Variants in GPHN observed in about 807,000 individuals in gnomAD.
GPHN encodes gephyrin.
GPHN carries 17 observed loss-of-function variants against 95.5 expected under a neutral mutation model. The observed-to-expected ratio is 0.18, with a 90% CI of 0.12 to 0.27. GPHN has a LOEUF of 0.27. GPHN is among the 10% of genes least tolerant of loss of function. GPHN has a pLI of 1.00. For synonymous variants in GPHN, 320 were observed against 322.5 expected, an observed-to-expected ratio of 0.99 and a Z score of 0.08; for missense variants, 660 against 978.1, an observed-to-expected ratio of 0.67 and a Z score of 4.34.
At chr14:67,541,862 TC>T in the GPHN span, 1 of 1,590,444 alleles carries the variant, frequency 6.3e-7, no homozygotes, top group Non-Finnish European at 8.6e-7. Flanking sequence ...AGAAGTCGAT[TC>T]CATCATGGCA....
At chr14:67,221,545 G>A in the GPHN span, among the ~76,000 whole-genome samples, 3 of 152,144 alleles carry the variant, frequency 2.0e-5, no homozygotes, top group African/African-American at 2.4e-5. Context: ...ATATTATTAC[G>A]TACAATAAAC....
the GPHN span, among the ~76,000 whole-genome samples, chr14:67,330,184 TCAGA>T: frequency 6.7e-6 from 1 of 150,040 alleles, no homozygotes; most frequent in African/African-American, 2.4e-5. Context: ...AAAGGAATAA[TCAGA>T]CACTTTAGCA....
intron 4 of GPHN, among the ~76,000 whole-genome samples, chr14:66,832,794 A>C (rs192529953): frequency 6.6e-6 from 1 of 152,344 alleles, no homozygotes; most frequent in East Asian, 1.9e-4. Flanking sequence ...CAATTCAGGC[A>C]AAAAGATTTA....
Position 66,938,904 on chromosome 14 carries a change from C to T in GPHN, c.828+14612C>T, listed in dbSNP as rs1386374119. On this transcript the variant is annotated intron_variant, in intron 8 of 22. Coordinates refer to ENST00000478722, the MANE Select transcript of GPHN (RefSeq NM_020806.5). The stretch of plus-strand genomic sequence containing the variant: ...AACTAAAAACTCTTGCAAATATGGT[C>T]AAATGATTTTTGACCAGGGAACCAA... Among the ~76,000 whole-genome samples, 6 of 152,138 alleles carry T rather than the reference C, an allele frequency of 3.9e-5. 1 individual carries two copies. The highest frequency in any genetic ancestry group is 8.8e-5 in the Non-Finnish European group (6 of 68,020).
At chr14:67,580,761 G>A in the GPHN span, 1 of 575,424 alleles carries the variant, frequency 1.7e-6, no homozygotes, top group African/African-American at 1.9e-5. Context: ...CTGTTTGTGA[G>A]GGAGCTGCTG....
At chr14:66,898,488 A>AG (rs1429497600) in intron 5 of GPHN, among the ~76,000 whole-genome samples, 1 of 148,952 alleles carries the variant, frequency 6.7e-6, no homozygotes, top group Non-Finnish European at 1.5e-5. Flanking sequence ...AAAAAAAAAA[A>AG]AAAGCTACCT....
intron 1 of GPHN, among the ~76,000 whole-genome samples, chr14:66,646,995 G>C (rs1405962487): frequency 2.0e-5 from 3 of 151,694 alleles, no homozygotes; most frequent in Non-Finnish European, 2.9e-5. Context: ...CTCCCAGGCT[G>C]AAGCAATCCT....
At chr14:67,551,036 C>T in the GPHN span, among the ~76,000 whole-genome samples, 7 of 152,178 alleles carry the variant, frequency 4.6e-5, no homozygotes, top group African/African-American at 1.4e-4. Flanking sequence ...CATGTATATA[C>T]ACACAGCCCT....
chr14:67,143,025 G>A, intron 17 of GPHN: 1 of 330,316 alleles, frequency 3.0e-6, no homozygotes, highest in Non-Finnish European at 5.8e-6. Context: ...TAGGACATCT[G>A]ACTTTAGTAC....
chr14:67,646,773 G>A, the GPHN span: 1 of 1,552,634 alleles, frequency 6.4e-7, no homozygotes, highest in Admixed American at 1.7e-5. Context: ...TTTAGGGCCT[G>A]TCCTAGCCAA....
the GPHN span, among the ~76,000 whole-genome samples, chr14:67,484,287 CT>C: frequency 2.0e-5 from 3 of 152,164 alleles, no homozygotes; most frequent in Non-Finnish European, 4.4e-5. Flanking sequence ...GCAATAATAC[CT>C]AGTAATACTT....
At chr14:67,481,970 A>T in the GPHN span, among the ~76,000 whole-genome samples, 1 of 152,228 alleles carries the variant, frequency 6.6e-6, no homozygotes, top group Non-Finnish European at 1.5e-5. Flanking sequence ...AGTGTGAGCA[A>T]GGTTGAATGC....
chr14:67,621,104 T>C, the GPHN span: 3 of 762,704 alleles, frequency 3.9e-6, no homozygotes, highest in South Asian at 4.9e-5. Context: ...TTGGATTCCG[T>C]CTGCGGCTTA....
At chr14:67,189,193 T>G in the GPHN span, among the ~76,000 whole-genome samples, 1 of 152,182 alleles carries the variant, frequency 6.6e-6, no homozygotes, top group Non-Finnish European at 1.5e-5. Context: ...TAAATTGACT[T>G]TTCTCTCCAA....
chr14:66,720,517 C>CA (rs1306288898), intron 2 of GPHN, among the ~76,000 whole-genome samples: 1 of 152,086 alleles, frequency 6.6e-6, no homozygotes, highest in Non-Finnish European at 1.5e-5. Flanking sequence ...GACTCTAAGC[C>CA]AAGAGTCTAA....
At chr14:66,678,699 T>C (rs2066760616) in intron 1 of GPHN, among the ~76,000 whole-genome samples, 1 of 152,176 alleles carries the variant, frequency 6.6e-6, no homozygotes, top group South Asian at 2.1e-4. Flanking sequence ...AGCAATTTCG[T>C]CTTTCAGTTT....
the GPHN span, among the ~76,000 whole-genome samples, chr14:67,308,448 G>A: frequency 1.3e-5 from 2 of 151,392 alleles, no homozygotes; most frequent in African/African-American, 2.4e-5. Context: ...CCAGGTGGTT[G>A]TGGCAAATTT....
At chr14:66,939,325 A>G (rs1302838354) in intron 8 of GPHN, among the ~76,000 whole-genome samples, 1 of 152,124 alleles carries the variant, frequency 6.6e-6, no homozygotes, top group Non-Finnish European at 1.5e-5. Flanking sequence ...AACTCCTAAA[A>G]CTCAACAGAA....
chr14:67,374,499 T>C, the GPHN span: 1 of 1,607,422 alleles, frequency 6.2e-7, no homozygotes, highest in South Asian at 1.1e-5. Context: ...GAAGAGTTTC[T>C]CCAGAGGAAG....
Sources: gnomAD v4.1 joint callset for allele counts (sites outside exome capture counted in the v4.1 genomes callset) on GRCh38, gnomAD v4.1.1 for gene constraint, MANE v1.5 for transcripts, NCBI Gene and HGNC (gene_info 2026-07-23, HGNC 2026-07-21) for gene names.